ZIM3: variants seen among roughly 807,000 people sequenced by gnomAD.
ZIM3 encodes zinc finger imprinted 3, also known as zinc finger protein 657.
A neutral mutation model predicts 12.9 loss-of-function variants in ZIM3; 11 were observed. The observed-to-expected ratio is 0.85, with a 90% confidence interval of 0.54 to 1.41. The LOEUF is 1.41. Among genes scored for constraint, ZIM3 ranks in the 40% most tolerant of loss-of-function variants. ZIM3 has a pLI of 0.00. For missense variants in ZIM3, 604 were observed against 557.2 expected (o/e 1.08, Z -0.85); for synonymous variants, 205 against 198.5 (o/e 1.03, Z -0.28).
At chr19:57,137,471 G>A (rs1034317462) in intron 3 of ZIM3, among the ~76,000 whole-genome samples, 1 of 151,978 alleles carries the variant, frequency 6.6e-6, no homozygotes, top group Admixed American at 6.6e-5. Context: ...CCAGAACTTT[G>A]GGAGGCTGAG....
Position 57,134,462 on chromosome 19 carries a change from T to C in ZIM3, c.*456A>G, listed in dbSNP as rs146051079. 0.037 allele frequency: 5,750 copies of C among 154,792 alleles called. 367 individuals are homozygous for C. Among genetic ancestry groups the C allele is most frequent in the African/African-American group, 0.13 (5,378 of 41,492 alleles). 9.6% of individuals were successfully genotyped at this position (154,792 alleles called of 1,614,324 possible). A position where few individuals can be genotyped will look rare whatever the true frequency, so the allele number is the denominator to read the frequency against. On this transcript the variant is annotated 3_prime_UTR_variant, in exon 5 of 5. Coordinates refer to ENST00000269834, the MANE Select transcript of ZIM3 (RefSeq NM_052882.1). ...GCCTGGCTAATTTTTGTATTTTTGGTAGAGACAGGGTTTCACCATGTTGGT... is the reference window on the plus strand; with the variant it reads ...GCCTGGCTAATTTTTGTATTTTTGGCAGAGACAGGGTTTCACCATGTTGGT...
intron 3 of ZIM3, 105 bp downstream of exon 3, chr19:57,138,367 G>A (rs76943613): frequency 0.079 from 119,657 of 1,517,748 alleles, 5,210 homozygotes; most frequent in East Asian, 0.16. Flanking sequence ...AAACATATGC[G>A]AAGTGAGGAG....
rs552556831 is a variant in ZIM3, at chr19:57,138,523, T to G, written c.91A>C (p.Asn31His). ...TCCAGCATCACATCCCTGTACAAGT[T>G]TCTCTGTTCGGGATTCAGCCGCTGC... Reference protein sequence around the residue: ...EWQRLNPEQRNLYRDVMLENY... With the variant: ...EWQRLNPEQRHLYRDVMLENY... Residue 31 changes from asparagine (N) to histidine (H), a missense_variant, in exon 3 of 5, where the codon AAC becomes CAC. Transcript: ENST00000269834. The G allele has an allele frequency of 2.4e-5, 38 of 1,613,968 alleles. 1 individual carries two copies. In the South Asian group the frequency reaches 2.6e-4, roughly 11 times the overall value.
intron 1 of ZIM3, among the ~76,000 whole-genome samples, chr19:57,143,261 G>A (rs2086922217): frequency 6.6e-6 from 1 of 151,760 alleles, no homozygotes; most frequent in Non-Finnish European, 1.5e-5. Flanking sequence ...AACCCGGGAG[G>A]CGGAGCTTGC....
At chr19:57,143,674 A>G (rs891359030) in intron 1 of ZIM3, among the ~76,000 whole-genome samples, 4 of 117,104 alleles carry the variant, frequency 3.4e-5, no homozygotes, top group African/African-American at 1.2e-4. Flanking sequence ...CCCAGGAGTT[A>G]CTTTTTTTTT....
At chr19:57,144,830 T>G (rs920660603) in intron 1 of ZIM3, 29 bp downstream of exon 1, 1 of 147,178 alleles carries the variant, frequency 6.8e-6, no homozygotes, top group Admixed American at 6.8e-5. Flanking sequence ...AGACATTTGG[T>G]TTTCAGGGAG....
chr19:57,135,671 G>A lies in ZIM3; in HGVS notation c.666C>T (p.Pro222=). 1.9e-6 allele frequency: 3 copies of A among 1,613,112 alleles called. No individual in the cohort carries two copies. The highest frequency in any genetic ancestry group is 2.5e-6 in the Non-Finnish European group (3 of 1,179,452). The part of the protein sequence containing the change: ...KHQKTHAEER[P]YKCENCGNAY... ...CATTTCCACAGTTCTCACATTTATAGGGCCTTTCCTCTGCGTGAGTTTTCT... is the reference window on the plus strand; with the variant it reads ...CATTTCCACAGTTCTCACATTTATAAGGCCTTTCCTCTGCGTGAGTTTTCT... The change falls in exon 5 of 5, where the codon CCC becomes CCT. Residue 222 remains proline, a synonymous_variant. Coordinates refer to ENST00000269834, the MANE Select transcript of ZIM3 (RefSeq NM_052882.1).
chr19:57,136,776 A>G, intron 4 of ZIM3, 97 bp downstream of exon 4: 1 of 960,110 alleles, frequency 1.0e-6, no homozygotes, highest in Non-Finnish European at 1.7e-6. Context: ...CAGCACTCCC[A>G]GGAAGTCACA....
chr19:57,138,685 T>G, intron 2 of ZIM3, 87 bp from the exon 3 acceptor site: 1 of 1,500,896 alleles, frequency 6.7e-7, no homozygotes, highest in South Asian at 1.2e-5. Context: ...TGAACCAAGC[T>G]TTAATCATGT....
chr19:57,143,903 T>C (rs988254995), intron 1 of ZIM3, among the ~76,000 whole-genome samples: 1 of 152,014 alleles, frequency 6.6e-6, no homozygotes, highest in South Asian at 2.1e-4. Flanking sequence ...CTCGAGCTGC[T>C]GATCTCAAGT....
At chr19:57,136,815 G>C in intron 4 of ZIM3, 58 bp downstream of exon 4, 1 of 1,492,956 alleles carries the variant, frequency 6.7e-7, no homozygotes, top group Non-Finnish European at 9.3e-7. Flanking sequence ...TCCTCATTTA[G>C]AAAAGCTGAA....
chr19:57,137,890 AGAAG>A (rs1568458759), intron 3 of ZIM3, among the ~76,000 whole-genome samples: 2 of 22,320 alleles, frequency 9.0e-5, no homozygotes, highest in African/African-American at 4.2e-4. Flanking sequence ...AAGGAAGGAA[AGAAG>A]GAAGGAAAGA....
chr19:57,136,677 GA>G (rs74179416), intron 4 of ZIM3, among the ~76,000 whole-genome samples, 195 bp downstream of exon 4: 21 of 140,884 alleles, frequency 1.5e-4, no homozygotes, highest in South Asian at 6.7e-4. Flanking sequence ...AAAAAAAAAA[GA>G]AAAAAAAAAG....
intron 3 of ZIM3, 151 bp from the exon 4 acceptor site, chr19:57,137,122 T>C (rs553103311): frequency 8.2e-6 from 6 of 732,946 alleles, no homozygotes; most frequent in African/African-American, 3.5e-5. Context: ...GTATGTGCCA[T>C]TGGTTGGGGG....
rs147762906 is a variant in ZIM3, at chr19:57,135,347, C to T, written c.990G>A (p.Thr330=). 94 of 1,613,796 alleles carry T rather than the reference C, an allele frequency of 5.8e-5. No individual in the cohort carries two copies. Among genetic ancestry groups the T allele is most frequent in the Non-Finnish European group, 7.7e-5 (91 of 1,179,946 alleles). The change falls in exon 5 of 5, where the codon ACG becomes ACA. Residue 330 remains threonine, a synonymous_variant. Transcript: ENST00000269834. The part of the protein sequence containing the change: ...SDLVKHQRIH[T]GEKPYKCSIC... ...TGCTACATTTATAGGGTTTCTCTCC[C>T]GTGTGTATTCTCTGGTGTTTCACAA...
At chr19:57,139,688 C>G (rs920492831) in intron 2 of ZIM3, among the ~76,000 whole-genome samples, 1 of 152,168 alleles carries the variant, frequency 6.6e-6, no homozygotes, top group African/African-American at 2.4e-5. Context: ...GATCACACCA[C>G]TGCACTCCAG....
rs967657166 is a variant in ZIM3, at chr19:57,134,654, T to C, written c.*264A>G. The C allele has an allele frequency of 2.5e-6, 1 of 400,560 alleles. No homozygotes were observed. Among genetic ancestry groups the C allele is most frequent in the African/African-American group, 2.0e-5 (1 of 49,600 alleles). The allele number at this position is 400,560 out of a possible 1,614,324, so 24.8% of individuals were successfully genotyped here. Reference sequence around the variant, plus strand: ...CATTATTCACTGGAATAAAACTCCATCAGGGTTTTAGCACATTTGGTTTAT... The same window carrying C: ...CATTATTCACTGGAATAAAACTCCACCAGGGTTTTAGCACATTTGGTTTAT... On this transcript the variant is annotated 3_prime_UTR_variant, in exon 5 of 5. Coordinates refer to ENST00000269834, the MANE Select transcript of ZIM3 (RefSeq NM_052882.1).
rs2086919437 is a variant in ZIM3, at chr19:57,142,803, G to C, written c.-42-118C>G. Reference sequence around the variant, plus strand: ...AGCTCTCCCTAACCCACTCAGAAAAGCCCTGACTTGTACCTCAGTGATCCC... The same window carrying C: ...AGCTCTCCCTAACCCACTCAGAAAACCCCTGACTTGTACCTCAGTGATCCC... On this transcript the variant is annotated intron_variant, in intron 1 of 4. Transcript: ENST00000269834. 16 of 719,120 alleles carry C rather than the reference G, an allele frequency of 2.2e-5. No homozygotes were observed. In the East Asian group the frequency reaches 4.3e-4, roughly 19 times the overall value. The allele number at this position is 719,120 out of a possible 1,614,324, so 44.5% of individuals were successfully genotyped here.
At chr19:57,137,974 GGAAGGAAA>G (rs1427098169) in intron 3 of ZIM3, among the ~76,000 whole-genome samples, 22 of 73,438 alleles carry the variant, frequency 3.0e-4, no homozygotes, top group African/African-American at 1.3e-3. Context: ...AAGGAAAGAA[GGAAGGAAA>G]GAAGGAAGGA....
Sources: gnomAD v4.1 joint callset for allele counts (sites outside exome capture counted in the v4.1 genomes callset) on GRCh38, gnomAD v4.1.1 for gene constraint, MANE v1.5 for transcripts, NCBI Gene and HGNC (gene_info 2026-07-23, HGNC 2026-07-21) for gene names.